Variants in YAF2 observed in about 807,000 individuals in gnomAD.
The protein encoded by YAF2 is YY1 associated factor 2, also known as YY1-associated factor 2.
Under a neutral mutation model 20.1 loss-of-function variants are expected in YAF2, and 7 were observed. The observed-to-expected ratio is 0.35, with a 90% confidence interval of 0.20 to 0.65. The LOEUF (loss-of-function observed/expected upper bound fraction) is 0.65. Ranked by LOEUF, YAF2 falls within the 30% of genes least tolerant of loss-of-function variation. The pLI, the probability that YAF2 is intolerant of heterozygous loss-of-function variation, is 0.69. For missense variants in YAF2, 151 were observed against 219.2 expected (o/e 0.69, Z 1.96); for synonymous variants, 74 against 76.0 (o/e 0.97, Z 0.14).
intron 2 of YAF2, among the ~76,000 whole-genome samples, chr12:42,226,959 C>T (rs61940232): frequency 0.21 from 30,838 of 148,746 alleles, 3,288 homozygotes; most frequent in Admixed American, 0.25. Context: ...GGCGCGGCTG[C>T]GCTGCGGCCC....
chr12:42,205,916 AT>A (rs1261302411), intron 2 of YAF2: 5 of 397,896 alleles, frequency 1.3e-5, no homozygotes, highest in Admixed American at 3.1e-5. Flanking sequence ...TGTAATTTCC[AT>A]TTTTTTAATT....
At chr12:42,170,828 C>T (rs1387028592) in intron 2 of YAF2, among the ~76,000 whole-genome samples, 1 of 152,058 alleles carries the variant, frequency 6.6e-6, no homozygotes, top group African/African-American at 2.4e-5. Flanking sequence ...CCTGTAGATC[C>T]ACCTCTCCAA....
chr12:42,225,695 T>C (rs2067669443), intron 2 of YAF2, among the ~76,000 whole-genome samples: 1 of 152,180 alleles, frequency 6.6e-6, no homozygotes, highest in South Asian at 2.1e-4. Context: ...TGTAGATACG[T>C]GGTGTTATTT....
chr12:42,192,435 G>C (rs1033699788), intron 2 of YAF2, among the ~76,000 whole-genome samples: 1 of 152,068 alleles, frequency 6.6e-6, no homozygotes, highest in Non-Finnish European at 1.5e-5. Flanking sequence ...CTTGAGCCTG[G>C]GAGGTCAAGG....
At chr12:42,230,262 AAAGAAAGAG>A (rs539718739) in intron 2 of YAF2, among the ~76,000 whole-genome samples, 1,849 of 150,178 alleles carry the variant, frequency 0.012, 21 homozygotes, top group South Asian at 0.05. Context: ...TCAAGAAAGA[AAAGAAAGAG>A]AAGAAAGAGA....
chr12:42,237,527 C>T (rs2068209170), intron 2 of YAF2, 72 bp downstream of exon 2: 4 of 1,407,102 alleles, frequency 2.8e-6, no homozygotes, highest in East Asian at 3.1e-5. Context: ...TGGGAGGGGG[C>T]GGCAGCCGCA....
chr12:42,164,503 G>C (rs913769459), intron 2 of YAF2, among the ~76,000 whole-genome samples: 2 of 152,014 alleles, frequency 1.3e-5, no homozygotes, highest in Non-Finnish European at 2.9e-5. Flanking sequence ...TCATAATTTA[G>C]CTTTGTCATG....
At position 42,207,683 on chromosome 12, in the gene YAF2, G is replaced by A. The variant is rs138399006; in HGVS notation, c.152+29916C>T. Among the ~76,000 whole-genome samples, 1,119 of 151,556 alleles carry A rather than the reference G, an allele frequency of 7.4e-3. 13 individuals are homozygous for A. The highest frequency in any genetic ancestry group is 0.026 in the African/African-American group (1,063 of 41,288). On this transcript the variant is annotated intron_variant, in intron 2 of 3. Coordinates refer to ENST00000534854, the MANE Select transcript of YAF2 (RefSeq NM_005748.6). ...CGAGGCGGGCAGATCACAAGGTCAGGCGATCAAGACCATCCTGGCTAACAC... is the reference window on the plus strand; with the variant it reads ...CGAGGCGGGCAGATCACAAGGTCAGACGATCAAGACCATCCTGGCTAACAC...
intron 2 of YAF2, 58 bp downstream of exon 2, chr12:42,237,541 G>A: frequency 6.8e-7 from 1 of 1,459,940 alleles, no homozygotes; most frequent in Non-Finnish European, 9.1e-7. Context: ...AGCCGCAAGG[G>A]CGTCCTCTGG....
intron 2 of YAF2, among the ~76,000 whole-genome samples, chr12:42,177,339 G>T (rs2066221893): frequency 6.6e-6 from 1 of 152,138 alleles, no homozygotes; most frequent in Admixed American, 6.5e-5. Flanking sequence ...AGTTCTGGAG[G>T]GTGGAAAGTC....
chr12:42,190,261 T>C (rs77626513), intron 2 of YAF2, among the ~76,000 whole-genome samples: 2,287 of 152,232 alleles, frequency 0.015, 55 homozygotes, highest in African/African-American at 0.052. Flanking sequence ...GGATGATCTC[T>C]TGAGCCTGGG....
At chr12:42,229,646 G>T (rs1035279908) in intron 2 of YAF2, among the ~76,000 whole-genome samples, 1 of 152,106 alleles carries the variant, frequency 6.6e-6, no homozygotes, top group Non-Finnish European at 1.5e-5. Context: ...TGATTTCATT[G>T]TCAGAACATC....
In YAF2 at chr12:42,210,052, C is replaced by T. The variant is rs190537951; in HGVS notation, c.152+27547G>A. ...ACCTCAGGTGATCCACCCGCCTTGGCCTCCAAAAGTACTGGGATTACAAGT... is the reference window on the plus strand; with the variant it reads ...ACCTCAGGTGATCCACCCGCCTTGGTCTCCAAAAGTACTGGGATTACAAGT... On this transcript the variant is annotated intron_variant, in intron 2 of 3. Coordinates refer to ENST00000534854, the MANE Select transcript of YAF2 (RefSeq NM_005748.6). 3.5e-3 allele frequency among the ~76,000 whole-genome samples: 531 copies of T among 152,300 alleles called. 5 individuals carry two copies. Among genetic ancestry groups the T allele is most frequent in the Non-Finnish European group, 5.6e-3 (384 of 68,018 alleles).
chr12:42,189,354 T>C (rs985554826), intron 2 of YAF2, among the ~76,000 whole-genome samples: 1 of 152,248 alleles, frequency 6.6e-6, no homozygotes, highest in African/African-American at 2.4e-5. Flanking sequence ...AGTTATCTAT[T>C]ACAAGTTCAA....
intron 2 of YAF2, among the ~76,000 whole-genome samples, chr12:42,215,032 G>A (rs529324411): frequency 2.2e-4 from 34 of 151,888 alleles, no homozygotes; most frequent in South Asian, 1.2e-3. Context: ...ATAAATAAAT[G>A]AATTCCATGA....
At chr12:42,177,002 G>T (rs547962807) in intron 2 of YAF2, among the ~76,000 whole-genome samples, 3 of 152,190 alleles carry the variant, frequency 2.0e-5, no homozygotes, top group Non-Finnish European at 4.4e-5. Context: ...CAATTGTTCT[G>T]CTACAGGCCA....
chr12:42,213,469 T>C (rs1337661248), intron 2 of YAF2, among the ~76,000 whole-genome samples: 2 of 152,200 alleles, frequency 1.3e-5, no homozygotes, highest in African/African-American at 4.8e-5. Flanking sequence ...TTAATAGCCA[T>C]CTCTAAAGTA....
rs1347230223 is a variant in YAF2 at position 42,236,127 on chromosome 12, T to A, written c.152+1472A>T. On this transcript the variant is annotated intron_variant, in intron 2 of 3. Coordinates refer to ENST00000534854, the MANE Select transcript of YAF2 (RefSeq NM_005748.6). ...AAGATTATAATTGTTTCCACTTTAA[T>A]GTTCCTGCCTCCAAAAAACGAATTT... is the stretch of plus-strand genomic sequence containing the variant. The A allele has an allele frequency of 3.0e-6, 4 of 1,354,648 alleles. No individual in the cohort carries two copies. The African/African-American group carries it at 5.9e-5, about 20-fold the overall frequency. The allele number at this position is 1,354,648 out of a possible 1,614,324, so 83.9% of individuals were successfully genotyped here.
chr12:42,169,080 T>C (rs2065980414), intron 2 of YAF2, among the ~76,000 whole-genome samples: 1 of 152,222 alleles, frequency 6.6e-6, no homozygotes, highest in South Asian at 2.1e-4. Flanking sequence ...AAATGTCTGC[T>C]ATTCTCTCAG....
Sources: allele counts gnomAD v4.1 joint callset (sites outside exome capture counted in the v4.1 genomes callset), GRCh38; gene constraint gnomAD v4.1.1; transcripts MANE v1.5; gene names NCBI Gene and HGNC (gene_info 2026-07-23, HGNC 2026-07-21).